The following EPB41L2 variants were observed in gnomAD, a reference collection of about 807,000 sequenced individuals.
EPB41L2 encodes the protein band 4.1-like protein 2.
EPB41L2 carries 43 observed loss-of-function variants against 113.0 expected under a neutral mutation model. The observed-to-expected ratio is 0.38, with a 90% CI of 0.30 to 0.49. The LOEUF (loss-of-function observed/expected upper bound fraction) is 0.49. EPB41L2 is among the 20% of genes least tolerant of loss of function. EPB41L2 has a pLI of 0.95. For synonymous variants in EPB41L2, 442 were observed against 436.7 expected (o/e 1.01, Z -0.15); for missense variants, 1,147 against 1,223.4 (o/e 0.94, Z 0.93).
chr6:130,894,402 T>G lies in EPB41L2; in HGVS notation c.1429A>C (p.Asn477His). Residue 477 changes from asparagine (N) to histidine (H), a missense_variant, in exon 10 of 20, where the codon AAC (asparagine) becomes CAC (histidine). Coordinates refer to ENST00000337057, the MANE Select transcript of EPB41L2 (RefSeq NM_001431.4). ...FESTIGFKLP[N>H]HRAAKRLWKV... is the part of the protein sequence containing the mutation. ...CATAGTCTTTTCGCTGCCCGGTGGTTTGGCAGTTTGAATCCAATGGTACTC... is the reference window on the plus strand; with the variant it reads ...CATAGTCTTTTCGCTGCCCGGTGGTGTGGCAGTTTGAATCCAATGGTACTC... The G allele has an allele frequency of 6.2e-7, 1 of 1,613,888 alleles. No individual in the cohort carries two copies.
intron 3 of EPB41L2, among the ~76,000 whole-genome samples, chr6:130,949,563 G>A (rs572168747): frequency 1.3e-5 from 2 of 150,076 alleles, no homozygotes; most frequent in East Asian, 4.1e-4. Context: ...AGATCCTGTT[G>A]AAAAAAGAAG....
chr6:130,894,265 C>T, intron 10 of EPB41L2, 79 bp downstream of exon 10: 4 of 1,140,972 alleles, frequency 3.5e-6, no homozygotes, highest in Non-Finnish European at 5.3e-6. Context: ...AGTGATCCTC[C>T]CACCTCTGCC....
intron 14 of EPB41L2, among the ~76,000 whole-genome samples, chr6:130,872,808 G>A (rs886604405): frequency 1.3e-5 from 2 of 152,162 alleles, no homozygotes; most frequent in South Asian, 2.1e-4. Context: ...GAGCACAACC[G>A]ACCCACCCAA....
intron 3 of EPB41L2, among the ~76,000 whole-genome samples, chr6:130,947,016 G>GAC (rs1813091987): frequency 7.7e-6 from 1 of 129,682 alleles, no homozygotes; most frequent in Non-Finnish European, 1.6e-5. Flanking sequence ...GAATAAAGAA[G>GAC]ACCCCCCCCC....
chr6:130,968,572 ATG>A (rs1775927768), intron 1 of EPB41L2, among the ~76,000 whole-genome samples: 1 of 152,180 alleles, frequency 6.6e-6, no homozygotes, highest in Non-Finnish European at 1.5e-5. Flanking sequence ...GCATATCCAA[ATG>A]TTGGCCCCAG....
chr6:130,912,425 C>G (rs1018901364), intron 4 of EPB41L2, among the ~76,000 whole-genome samples: 10 of 152,176 alleles, frequency 6.6e-5, no homozygotes, highest in African/African-American at 2.4e-4. Context: ...CGCATGGCCC[C>G]TCGGGTTTCA....
rs538428144 is a variant in EPB41L2 at position 130,866,402 on chromosome 6, T to A, written c.2731-768A>T. Among the ~76,000 whole-genome samples, 62 of 152,294 alleles carry A rather than the reference T, an allele frequency of 4.1e-4. 1 individual carries two copies. The South Asian group carries it at 0.013, about 31-fold the overall frequency. On this transcript the variant is annotated intron_variant, in intron 16 of 19. Coordinates refer to ENST00000337057, the MANE Select transcript of EPB41L2 (RefSeq NM_001431.4). ...GTTTCCTGACACTGACACGAGGAAA[T>A]AACTGGACGGTCCAGAGCCTTTCTG...
chr6:130,849,137 G>A lies in EPB41L2; in HGVS notation c.*6-8539C>T, dbSNP rs374359625. Among the ~76,000 whole-genome samples, 8 of 152,280 alleles carry A rather than the reference G, an allele frequency of 5.3e-5. No homozygotes were observed. The East Asian group carries it at 9.7e-4, about 18-fold the overall frequency. On this transcript the variant is annotated intron_variant, in intron 19 of 19. Coordinates refer to ENST00000337057, the MANE Select transcript of EPB41L2 (RefSeq NM_001431.4). ...TAAAGACAGGATATGACAGGCAGTA[G>A]CACTGTGGTGACCTAGAGAGCTCCT...
intron 1 of EPB41L2, among the ~76,000 whole-genome samples, chr6:130,962,551 C>G (rs1773849487): frequency 6.6e-6 from 1 of 152,080 alleles, no homozygotes. Context: ...CCCTAGTTAC[C>G]TTTATAACCC....
chr6:131,021,904 C>T (rs575241855), intron 1 of EPB41L2, among the ~76,000 whole-genome samples: 1 of 152,096 alleles, frequency 6.6e-6, no homozygotes, highest in East Asian at 1.9e-4. Context: ...CTTTTTGGTA[C>T]CAGGGACTGG....
chr6:130,876,751 C>A (rs1451662724), intron 14 of EPB41L2: 3 of 1,303,910 alleles, frequency 2.3e-6, no homozygotes, highest in Non-Finnish European at 3.0e-6. Context: ...GATAAAATAT[C>A]CTTGAAAAGA....
intron 1 of EPB41L2, among the ~76,000 whole-genome samples, chr6:130,994,151 A>G (rs547835711): frequency 1.3e-5 from 2 of 152,344 alleles, no homozygotes; most frequent in South Asian, 4.1e-4. Context: ...CCACTGGCAG[A>G]GTAAGCAGGA....
chr6:131,039,036 T>C (rs1208830743), intron 1 of EPB41L2, among the ~76,000 whole-genome samples: 5 of 152,162 alleles, frequency 3.3e-5, no homozygotes, highest in Non-Finnish European at 5.9e-5. Context: ...GATATAAGTA[T>C]TATGTTATTC....
chr6:131,003,154 G>A (rs553256570), intron 1 of EPB41L2, among the ~76,000 whole-genome samples: 2 of 152,046 alleles, frequency 1.3e-5, no homozygotes, highest in South Asian at 4.2e-4. Context: ...AAATCACTTG[G>A]CACTGCAAAG....
At position 130,920,625 on chromosome 6, in the gene EPB41L2, C is replaced by T. The variant is rs115816994; in HGVS notation, c.810+5980G>A. Among the ~76,000 whole-genome samples the T allele has an allele frequency of 7.9e-3, 1,199 of 152,146 alleles. 14 individuals carry two copies. The highest frequency in any genetic ancestry group is 0.027 in the African/African-American group (1,128 of 41,472). Reference sequence around the variant, plus strand: ...ATCCTCCCACCTCAGCACCCCTCTCCCCTCCTCCGAATAGCTGGAACTAAA... The same window carrying T: ...ATCCTCCCACCTCAGCACCCCTCTCTCCTCCTCCGAATAGCTGGAACTAAA... On this transcript the variant is annotated intron_variant, in intron 4 of 19. Coordinates refer to ENST00000337057, the MANE Select transcript of EPB41L2 (RefSeq NM_001431.4).
rs1780897196 is a variant in EPB41L2, at chr6:130,858,202, A to T, written c.2952T>A (p.Pro984=). The change falls in exon 19 of 20, where the codon CCT becomes CCA. Residue 984 remains proline, a synonymous_variant. Coordinates refer to ENST00000337057, the MANE Select transcript of EPB41L2 (RefSeq NM_001431.4). ...CCACCACTCTTGTGACCGACATGTC[A>T]GGGTGCTGCTCTCTGGCTTCCCTGA... ...QAIREAREQH[P]DMSVTRVVVH... The T allele has an allele frequency of 1.9e-6, 3 of 1,613,738 alleles. No individual in the cohort carries two copies. The highest frequency in any genetic ancestry group is 2.5e-6 in the Non-Finnish European group (3 of 1,179,830).
chr6:130,911,940 A>T (rs910198121), intron 4 of EPB41L2, among the ~76,000 whole-genome samples: 1 of 152,140 alleles, frequency 6.6e-6, no homozygotes, highest in Non-Finnish European at 1.5e-5. Context: ...ATCGTGGCCT[A>T]TTAGGAACTG....
chr6:130,868,767 C>T (rs1290671511), intron 15 of EPB41L2: 1 of 152,192 alleles, frequency 6.6e-6, no homozygotes, highest in Admixed American at 6.5e-5. Context: ...ATGAGAGACA[C>T]TGCACTTAGT....
intron 1 of EPB41L2, among the ~76,000 whole-genome samples, chr6:131,037,356 G>A (rs559393323): frequency 2.0e-5 from 3 of 152,142 alleles, no homozygotes; most frequent in Admixed American, 6.5e-5. Flanking sequence ...AGGTATTAAC[G>A]CTACTTGTGG....
Sources: allele counts gnomAD v4.1 joint callset (sites outside exome capture counted in the v4.1 genomes callset), GRCh38; gene constraint gnomAD v4.1.1; transcripts MANE v1.5; gene names NCBI Gene and HGNC (gene_info 2026-07-23, HGNC 2026-07-21).